TUT4: variants seen among roughly 807,000 people sequenced by gnomAD.
The protein encoded by TUT4 is terminal uridylyl transferase 4.
TUT4 carries 36 observed loss-of-function variants against 192.2 expected under a neutral mutation model. That is an observed-to-expected ratio of 0.19 (90% CI 0.14 to 0.25). The LOEUF (loss-of-function observed/expected upper bound fraction) is 0.25. TUT4 is among the 10% of genes least tolerant of loss of function. TUT4 has a pLI of 1.00. For missense variants in TUT4, 1,493 were observed against 1,957.2 expected (o/e 0.76, Z 4.47); for synonymous variants, 618 against 666.0 (o/e 0.93, Z 1.11).
At chr1:52,503,225 A>G (rs2149241997) in intron 4 of TUT4, among the ~76,000 whole-genome samples, 1 of 152,344 alleles carries the variant, frequency 6.6e-6, no homozygotes, top group Non-Finnish European at 1.5e-5. Context: ...TTTATGGAAC[A>G]ACTATATGCC....
chr1:52,477,640 A>T, intron 12 of TUT4, 68 bp downstream of exon 12: 1 of 1,428,128 alleles, frequency 7.0e-7, no homozygotes, highest in South Asian at 1.4e-5. Flanking sequence ...AGGATTATTA[A>T]CACTGAATTA....
At chr1:52,457,673 AAC>A (rs1661367668) in intron 20 of TUT4, among the ~76,000 whole-genome samples, 1 of 152,226 alleles carries the variant, frequency 6.6e-6, no homozygotes, top group Non-Finnish European at 1.5e-5. Context: ...GATCCTCCCT[AAC>A]GCCTACAAAT....
chr1:52,472,661 AT>A (rs564039824), intron 13 of TUT4, among the ~76,000 whole-genome samples: 147 of 152,028 alleles, frequency 9.7e-4, no homozygotes, highest in South Asian at 1.7e-3. Flanking sequence ...AACACTAAAA[AT>A]AAATTAGCTT....
chr1:52,519,478 T>C (rs1449879039), intron 2 of TUT4, among the ~76,000 whole-genome samples: 2 of 152,238 alleles, frequency 1.3e-5, no homozygotes, highest in Middle Eastern at 3.4e-3. Flanking sequence ...TAAAAACTAC[T>C]GAACACTTAA....
At chr1:52,462,646 G>C in intron 16 of TUT4, 1 of 880,792 alleles carries the variant, frequency 1.1e-6, no homozygotes, top group Non-Finnish European at 1.4e-6. Context: ...GCACTCAGCA[G>C]AATGCCTGGC....
chr1:52,542,128 T>C (rs527686095), intron 1 of TUT4, among the ~76,000 whole-genome samples: 50 of 152,294 alleles, frequency 3.3e-4, no homozygotes, highest in Admixed American at 4.6e-4. Context: ...TGATACGCAG[T>C]ACCTACAGCA....
In TUT4 at chr1:52,475,167, A is replaced by G; in HGVS notation, c.2392T>C (p.Ser798Pro). The G allele has an allele frequency of 6.2e-7, 1 of 1,614,166 alleles. No individual in the cohort carries two copies. Among genetic ancestry groups the G allele is most frequent in the East Asian group, 2.2e-5 (1 of 44,884 alleles). ...LDFADHGQDS[S>P]SLSTSKSSEI... is the part of the protein sequence containing the mutation. ...CTGCTTTTGCTGGTAGAAAGAGATG[A>G]AGAGTCCTGTCCGTGGTCAGCAAAA... The change falls in exon 13 of 30, where the codon TCA becomes CCA. Residue 798 changes from serine (S) to proline (P), a missense_variant. By Grantham distance (74) the Ser-to-Pro change is moderately conservative. Transcript: ENST00000257177.
chr1:52,493,575 AAAAAAAAAAAG>A, intron 7 of TUT4, 25 bp downstream of exon 7: 1 of 1,306,860 alleles, frequency 7.7e-7, no homozygotes, highest in African/African-American at 1.5e-5. Flanking sequence ...AGACAAATTA[AAAAAAAAAAAG>A]AAAAGAAAAA....
chr1:52,542,639 T>C (rs1402363475), intron 1 of TUT4, among the ~76,000 whole-genome samples: 1 of 152,114 alleles, frequency 6.6e-6, no homozygotes, highest in Non-Finnish European at 1.5e-5. Context: ...TTCAATATAA[T>C]AAAAGCTATC....
At chr1:52,450,090 G>A (rs190420700) in intron 20 of TUT4, among the ~76,000 whole-genome samples, 1 of 152,054 alleles carries the variant, frequency 6.6e-6, no homozygotes, top group Non-Finnish European at 1.5e-5. Context: ...TTCTGCCTAG[G>A]ACAGCTCTTT....
intron 1 of TUT4, chr1:52,535,103 TG>T (rs1487080488): frequency 6.6e-6 from 1 of 152,232 alleles, no homozygotes; most frequent in Non-Finnish European, 1.5e-5. Flanking sequence ...ATAGTCATCT[TG>T]TTGCATAGTC....
rs184162177 is a variant in TUT4, at chr1:52,428,654, G to A, written c.4711+2359C>T. Among the ~76,000 whole-genome samples the A allele has an allele frequency of 8.7e-3, 1,295 of 148,290 alleles. 22 individuals carry two copies. The highest frequency in any genetic ancestry group is 0.031 in the African/African-American group (1,227 of 40,070). On this transcript the variant is annotated intron_variant, in intron 28 of 29. Coordinates refer to ENST00000257177, the MANE Select transcript of TUT4 (RefSeq NM_001009881.3). ...AAAAAAAAAAAAAAAAAAAAATTCCGGGCATGGTGGTGCGCACCTGTAGTC... is the reference window on the plus strand; with the variant it reads ...AAAAAAAAAAAAAAAAAAAAATTCCAGGCATGGTGGTGCGCACCTGTAGTC...
chr1:52,526,207 G>A lies in TUT4; in HGVS notation c.74C>T (p.Ala25Val), dbSNP rs1557959086. Residue 25 changes from alanine to valine, a missense_variant, in exon 2 of 30, where the codon GCA (alanine) becomes GTA (valine). Ala to Val is a moderately conservative substitution (Grantham distance 64). Around this residue, in one of 7 missense-constraint regions of TUT4, gnomAD observed 260 missense variants for 247.8 expected, o/e 1.05. Coordinates refer to ENST00000257177, the MANE Select transcript of TUT4 (RefSeq NM_001009881.3). ...KKNVICEESKAVQVIGNQTLK... is the reference protein window; with the variant it reads ...KKNVICEESKVVQVIGNQTLK... ...TGTTTGATTACCTATAACTTGAACT[G>A]CTTTGCTTTCTTCACAAATAACATT... The A allele has an allele frequency of 6.2e-7, 1 of 1,602,598 alleles. No homozygotes were observed. The highest frequency in any genetic ancestry group is 2.2e-5 in the East Asian group (1 of 44,630).
chr1:52,448,588 CAAAAAAAAAAAA>C (rs1190767355), intron 20 of TUT4, among the ~76,000 whole-genome samples: 60 of 40,806 alleles, frequency 1.5e-3, no homozygotes, highest in African/African-American at 4.6e-3. Context: ...GATTCTGTCT[CAAAAAAAAAAAA>C]AAAAAAAAAA....
intron 4 of TUT4, among the ~76,000 whole-genome samples, chr1:52,506,251 T>A (rs182456352): frequency 2.2e-4 from 34 of 152,362 alleles, no homozygotes; most frequent in African/African-American, 7.9e-4. Context: ...TCTGCATCTA[T>A]GTTCATGAGG....
At chr1:52,543,841 C>G (rs1325487803) in intron 1 of TUT4, among the ~76,000 whole-genome samples, 1 of 152,114 alleles carries the variant, frequency 6.6e-6, no homozygotes, top group Non-Finnish European at 1.5e-5. Context: ...AATGCAATCC[C>G]TATCAAAATT....
rs532486423 is a variant in TUT4, at chr1:52,464,490, A to G, written c.3069+580T>C. Among the ~76,000 whole-genome samples, 39 of 152,202 alleles carry G rather than the reference A, an allele frequency of 2.6e-4. No homozygotes were observed. The East Asian group carries it at 4.4e-3, about 17-fold the overall frequency. ...AGGAGTGTCTTGATCTCTTGACCTC[A>G]TGATCCGCCCACCTTGGCCTCCCAA... On this transcript the variant is annotated intron_variant, in intron 16 of 29. Coordinates refer to ENST00000257177, the MANE Select transcript of TUT4 (RefSeq NM_001009881.3).
chr1:52,479,574 G>C (rs1667957996), intron 11 of TUT4, among the ~76,000 whole-genome samples: 1 of 152,120 alleles, frequency 6.6e-6, no homozygotes, highest in African/African-American at 2.4e-5. Context: ...TTAACCGAAA[G>C]GAACATCCTT....
Position 52,516,082 on chromosome 1 carries a change from T to G in TUT4, c.719-28A>C, listed in dbSNP as rs372300622. ...AGAAAAGAAAGCAATCACTCAGTTA[T>G]CATCAGAACTGGTAAATTTTTAAAT... On this transcript the variant is annotated intron_variant, in intron 2 of 29. Transcript: ENST00000257177. 1.4e-5 allele frequency: 22 copies of G among 1,564,530 alleles called. No individual in the cohort carries two copies. The African/African-American group carries it at 2.9e-4, about 21-fold the overall frequency.
Sources: allele counts gnomAD v4.1 joint callset (sites outside exome capture counted in the v4.1 genomes callset), GRCh38; gene constraint gnomAD v4.1.1; regional missense constraint gnomAD v4.1.1; transcripts MANE v1.5; gene names NCBI Gene and HGNC (gene_info 2026-07-23, HGNC 2026-07-21).